Variants in LUZP2 observed in about 807,000 individuals in gnomAD.
The protein encoded by LUZP2 is leucine zipper protein 2.
A neutral mutation model predicts 51.6 loss-of-function variants in LUZP2; 52 were observed. The ratio of observed to expected loss-of-function variants is 1.01; its 90% CI spans 0.81 to 1.27. LUZP2 has a LOEUF of 1.27. Ranked by LOEUF, LUZP2 falls within the 50% of genes most tolerant of loss-of-function variation. The probability of loss-of-function intolerance (pLI) is 0.00; values close to 1 mark genes in which losing one functional copy is unlikely to be tolerated. For missense variants in LUZP2, 436 were observed against 395.4 expected (o/e 1.10, Z -0.87); for synonymous variants, 154 against 137.3 (o/e 1.12, Z -0.85).
At chr11:25,020,837 C>T (rs557635910) in intron 9 of LUZP2, among the ~76,000 whole-genome samples, 14 of 151,720 alleles carry the variant, frequency 9.2e-5, no homozygotes, top group South Asian at 6.2e-4. Context: ...GATAGATAAA[C>T]GTTGTAATAG....
chr11:25,010,416 G>T (rs1458299633), intron 9 of LUZP2, among the ~76,000 whole-genome samples: 1 of 151,922 alleles, frequency 6.6e-6, no homozygotes, highest in Non-Finnish European at 1.5e-5. Context: ...TGGCCAAGGG[G>T]ATTCACCTGT....
Position 24,890,345 on chromosome 11 carries a change from T to C in LUZP2, c.397-15646T>C, listed in dbSNP as rs546634232. On this transcript the variant is annotated intron_variant, in intron 5 of 11. Transcript: ENST00000336930. ...AAACAGAAGAAGTACATGACAATAA[T>C]AACATGATTAATTCAAATTCTAGCA... 5.3e-5 allele frequency among the ~76,000 whole-genome samples: 8 copies of C among 152,300 alleles called. No homozygotes were observed. The East Asian group carries it at 1.5e-3, about 29-fold the overall frequency.
At chr11:24,560,456 GA>G (rs1255255546) in intron 1 of LUZP2, among the ~76,000 whole-genome samples, 1 of 152,112 alleles carries the variant, frequency 6.6e-6, no homozygotes, top group Non-Finnish European at 1.5e-5. Flanking sequence ...AAAGAATAAA[GA>G]GGGTGACAAG....
At chr11:24,576,021 A>G (rs1488317383) in intron 1 of LUZP2, among the ~76,000 whole-genome samples, 4 of 152,158 alleles carry the variant, frequency 2.6e-5, no homozygotes, top group Non-Finnish European at 5.9e-5. Flanking sequence ...TTTGTTACAT[A>G]TGTATGTAAC....
At chr11:24,549,011 C>A (rs998208603) in intron 1 of LUZP2, among the ~76,000 whole-genome samples, 5 of 151,882 alleles carry the variant, frequency 3.3e-5, no homozygotes, top group Non-Finnish European at 7.4e-5. Flanking sequence ...AAATTTATTA[C>A]AAAATTTGTT....
At chr11:24,884,698 C>T (rs985897674) in intron 5 of LUZP2, among the ~76,000 whole-genome samples, 2 of 151,954 alleles carry the variant, frequency 1.3e-5, no homozygotes, top group Non-Finnish European at 2.9e-5. Context: ...AACTTTTCCC[C>T]CTCTTGCCAT....
At chr11:24,822,490 A>G (rs1427263929) in intron 5 of LUZP2, among the ~76,000 whole-genome samples, 2 of 152,130 alleles carry the variant, frequency 1.3e-5, no homozygotes, top group East Asian at 1.9e-4. Context: ...TTTAAATGAC[A>G]TTCATTTTAA....
At chr11:24,870,861 C>T (rs975286197) in intron 5 of LUZP2, among the ~76,000 whole-genome samples, 6 of 151,976 alleles carry the variant, frequency 3.9e-5, no homozygotes, top group Non-Finnish European at 8.8e-5. Context: ...ACTGATGTCC[C>T]TGATCATAGG....
intron 9 of LUZP2, among the ~76,000 whole-genome samples, chr11:25,016,572 A>G (rs1857163771): frequency 6.6e-6 from 1 of 152,018 alleles, no homozygotes; most frequent in Non-Finnish European, 1.5e-5. Context: ...GTGTGGGTGT[A>G]CCTATATATG....
intron 5 of LUZP2, among the ~76,000 whole-genome samples, chr11:24,785,015 T>C (rs551527645): frequency 3.3e-5 from 5 of 152,042 alleles, no homozygotes; most frequent in African/African-American, 4.8e-5. Flanking sequence ...CACAGATCTG[T>C]GGAAGTGTGA....
rs1188207572 is a variant in LUZP2, at chr11:24,602,170, A to ATATATGTATATGTGTATATG, written c.62+104870_62+104871insGTATATGTGTATATGTATAT. 2.3e-5 allele frequency among the ~76,000 whole-genome samples: 3 copies of ATATATGTATATGTGTATATG among 132,106 alleles called. No homozygotes were observed. In the South Asian group the frequency reaches 6.8e-4, roughly 30 times the overall value. 86.7% of individuals were successfully genotyped at this position (132,106 alleles called of 152,430 possible). ...TATATGTATATATGTATATATGTGT[A>ATATATGTATATGTGTATATG]TATATATGTGTATATATGTATATAT... is the stretch of plus-strand genomic sequence containing the variant. On this transcript the variant is annotated intron_variant, in intron 1 of 11. Transcript: ENST00000336930.
At chr11:24,684,619 G>C (rs151205533) in intron 1 of LUZP2, among the ~76,000 whole-genome samples, 129 of 152,330 alleles carry the variant, frequency 8.5e-4, no homozygotes, top group African/African-American at 3.1e-3. Flanking sequence ...ATCAATAACA[G>C]ATAGAAATTG....
intron 1 of LUZP2, among the ~76,000 whole-genome samples, chr11:24,559,178 A>G (rs1029668800): frequency 6.6e-6 from 1 of 152,170 alleles, no homozygotes; most frequent in African/African-American, 2.4e-5. Flanking sequence ...TCTTTGAAAA[A>G]ATATTTTTCT....
At chr11:24,841,972 A>G (rs1851046356) in intron 5 of LUZP2, among the ~76,000 whole-genome samples, 2 of 152,058 alleles carry the variant, frequency 1.3e-5, no homozygotes, top group South Asian at 4.1e-4. Flanking sequence ...AAACTCACAT[A>G]CCTCACAATG....
chr11:24,636,413 G>A (rs1855108750), intron 1 of LUZP2, among the ~76,000 whole-genome samples: 2 of 152,154 alleles, frequency 1.3e-5, no homozygotes. Flanking sequence ...TCTGAACCTA[G>A]ACTGCTTGGG....
chr11:24,522,899 T>C (rs1850687580), intron 1 of LUZP2, among the ~76,000 whole-genome samples: 1 of 152,046 alleles, frequency 6.6e-6, no homozygotes. Context: ...AATATCTACA[T>C]TCAGAAAAAT....
At chr11:24,826,925 G>C (rs1850559548) in intron 5 of LUZP2, among the ~76,000 whole-genome samples, 1 of 151,750 alleles carries the variant, frequency 6.6e-6, no homozygotes, top group Non-Finnish European at 1.5e-5. Context: ...TAAATGAGGA[G>C]TTAATATGCA....
intron 7 of LUZP2, 39 bp from the exon 8 acceptor site, chr11:24,976,552 T>C (rs752817047): frequency 7.0e-7 from 1 of 1,419,664 alleles, no homozygotes; most frequent in Non-Finnish European, 9.7e-7. Context: ...AGAGGGAAAT[T>C]GCAGAATTTA....
chr11:24,916,973 C>G (rs573802552), intron 7 of LUZP2, among the ~76,000 whole-genome samples: 1 of 152,288 alleles, frequency 6.6e-6, no homozygotes, highest in Admixed American at 6.5e-5. Flanking sequence ...GTTCCTATTT[C>G]TCCACATCCT....
Sources: gnomAD v4.1 joint callset for allele counts (sites outside exome capture counted in the v4.1 genomes callset) on GRCh38, gnomAD v4.1.1 for gene constraint, MANE v1.5 for transcripts, NCBI Gene and HGNC (gene_info 2026-07-23, HGNC 2026-07-21) for gene names.